MCF2L: variants seen among roughly 807,000 people sequenced by gnomAD.
The protein encoded by MCF2L is MCF.2 cell line derived transforming sequence like.
In MCF2L, 97 loss-of-function variants were observed where a neutral mutation model predicts 153.4. The ratio of observed to expected loss-of-function variants is 0.63; its 90% CI spans 0.54 to 0.75. The LOEUF is 0.75. Among genes scored for constraint, MCF2L ranks in the 30% least tolerant of loss-of-function variants. The pLI, the probability that MCF2L is intolerant of heterozygous loss-of-function variation, is 0.00. For synonymous variants in MCF2L, 659 were observed against 632.2 expected, an observed-to-expected ratio of 1.04 and a Z score of -0.64; for missense variants, 1,347 against 1,495.2, an observed-to-expected ratio of 0.90 and a Z score of 1.64.
intron 3 of MCF2L, chr13:113,026,955 T>G: frequency 1.3e-6 from 1 of 778,000 alleles, no homozygotes; most frequent in East Asian, 2.4e-5. Flanking sequence ...GATGTGCTCG[T>G]CCCAGCCTCC....
chr13:113,020,924 A>AGC (rs2141250892), intron 2 of MCF2L, among the ~76,000 whole-genome samples: 1 of 151,484 alleles, frequency 6.6e-6, no homozygotes, highest in South Asian at 2.1e-4. Flanking sequence ...GTGTATGTGT[A>AGC]GTGTGTATGC....
intron 2 of MCF2L, among the ~76,000 whole-genome samples, chr13:112,954,732 C>A (rs1001855001): frequency 1.3e-5 from 2 of 152,216 alleles, no homozygotes; most frequent in Non-Finnish European, 2.9e-5. Flanking sequence ...GTGCTTTTTG[C>A]ACTCTTTATG....
At chr13:112,930,320 C>A (rs1458570158) in intron 2 of MCF2L, among the ~76,000 whole-genome samples, 1 of 152,114 alleles carries the variant, frequency 6.6e-6, no homozygotes, top group Non-Finnish European at 1.5e-5. Flanking sequence ...GATGAATAAA[C>A]AAACTGTGGT....
chr13:112,903,425 C>G (rs375324458), intron 2 of MCF2L, among the ~76,000 whole-genome samples: 1 of 152,194 alleles, frequency 6.6e-6, no homozygotes, highest in African/African-American at 2.4e-5. Flanking sequence ...CCTCCTGTTT[C>G]GTGTCTTCAG....
chr13:112,969,513 T>C lies in MCF2L; in HGVS notation c.79+55T>C, dbSNP rs2081970002. ...TGTGCTTAAGCTTGACATCATGGGC[T>C]GAAATGTGGGGAAATGCGTCTGATT... is the stretch of plus-strand genomic sequence containing the variant. On this transcript the variant is annotated intron_variant, in intron 1 of 29. Transcript: ENST00000535094. The surrounding 1 kb of genome is among the most constrained non-coding windows in gnomAD (Gnocchi z 4.8). 1.3e-6 allele frequency: 2 copies of C among 1,547,232 alleles called. No individual in the cohort carries two copies. The highest frequency in any genetic ancestry group is 8.7e-7 in the Non-Finnish European group (1 of 1,144,704).
chr13:113,078,512 C>G, intron 14 of MCF2L, 76 bp downstream of exon 14: 2 of 1,419,880 alleles, frequency 1.4e-6, no homozygotes, highest in Admixed American at 3.7e-5. Flanking sequence ...CTCCGTGTGG[C>G]CCCCCCTCCC....
rs1441634811 is a variant in MCF2L at position 113,074,427 on chromosome 13, G to A, written c.997-17G>A. Reference sequence around the variant, plus strand: ...TGAGGGAGACACCCCCCTGAGATGGGCCCTCCTCTGTTCCAGGTCAAAGCC... The same window carrying A: ...TGAGGGAGACACCCCCCTGAGATGGACCCTCCTCTGTTCCAGGTCAAAGCC... On this transcript the variant is annotated splice_polypyrimidine_tract_variant and intron_variant, in intron 9 of 29. Coordinates refer to ENST00000535094, the MANE Select transcript of MCF2L (RefSeq NM_001112732.3). The surrounding 1 kb of genome is among the most constrained non-coding windows in gnomAD (Gnocchi z 4.2). The A allele has an allele frequency of 1.9e-6, 3 of 1,608,554 alleles. No homozygotes were observed. The highest frequency in any genetic ancestry group is 1.7e-6 in the Non-Finnish European group (2 of 1,175,478).
Position 113,031,038 on chromosome 13 carries a change from G to C in MCF2L, c.278+6280G>C, listed in dbSNP as rs554185871. Among the ~76,000 whole-genome samples, 2,402 of 71,272 alleles carry C rather than the reference G, an allele frequency of 0.034. 32 individuals are homozygous for C. The highest frequency in any genetic ancestry group is 0.086 in the Middle Eastern group (17 of 198). The allele number at this position is 71,272 out of a possible 152,430, so 46.8% of individuals were successfully genotyped here. ...TGTGAGAAAGAAAGAGAGACAGAGA[G>C]ACAGAGACAGACAGATACAGACAGA... On this transcript the variant is annotated intron_variant, in intron 3 of 29. Transcript: ENST00000535094. The surrounding 1 kb of genome is among the most constrained non-coding windows in gnomAD (Gnocchi z 5.5).
In MCF2L at chr13:112,907,247, A is replaced by G. The variant is rs369212501; in HGVS notation, c.169+4876A>G. ...GAAGTGATGGGGCTGCAGCATTCAG[A>G]TATGAGTCTCACAGAGGGGTTTGCA... is the stretch of plus-strand genomic sequence containing the variant. On this transcript the variant is annotated intron_variant, in intron 2 of 29. Coordinates refer to the MCF2L transcript ENST00000375608. This position sits in a 1 kb window ranked among gnomAD's most constrained non-coding sequence, Gnocchi z 5.1. Among the ~76,000 whole-genome samples, 50 of 152,330 alleles carry G rather than the reference A, an allele frequency of 3.3e-4. 1 individual carries two copies. Among genetic ancestry groups the G allele is most frequent in the African/African-American group, 1.2e-3 (49 of 41,568 alleles).
intron 1 of MCF2L, among the ~76,000 whole-genome samples, chr13:112,987,230 C>T (rs2082683566): frequency 6.6e-6 from 1 of 152,206 alleles, no homozygotes; most frequent in South Asian, 2.1e-4. Flanking sequence ...CAGAAGGCAT[C>T]TCCCTCCACC....
chr13:113,076,240 T>C (rs2033462850), intron 12 of MCF2L, 83 bp downstream of exon 12: 2 of 945,730 alleles, frequency 2.1e-6, no homozygotes, highest in African/African-American at 3.5e-5. Context: ...GAAAGAATCA[T>C]TTAATGAATT....
At chr13:112,924,489 A>G (rs766503480) in intron 2 of MCF2L, among the ~76,000 whole-genome samples, 33 of 152,316 alleles carry the variant, frequency 2.2e-4, no homozygotes, top group Non-Finnish European at 4.6e-4. Flanking sequence ...AATGGGAGAG[A>G]TAATATTTAT....
At chr13:113,006,607 C>A (rs1032330640) in intron 1 of MCF2L, among the ~76,000 whole-genome samples, 2 of 152,226 alleles carry the variant, frequency 1.3e-5, no homozygotes, top group African/African-American at 4.8e-5. Flanking sequence ...CGCTGGCAGG[C>A]AGTGGCTGGG....
chr13:112,971,596 T>A (rs2082040298), intron 1 of MCF2L, among the ~76,000 whole-genome samples: 1 of 152,236 alleles, frequency 6.6e-6, no homozygotes, highest in Non-Finnish European at 1.5e-5. Flanking sequence ...GTGTTTTAAT[T>A]TCAGATTTAT....
intron 3 of MCF2L, among the ~76,000 whole-genome samples, chr13:113,039,250 T>G (rs2086338526): frequency 6.6e-6 from 1 of 152,214 alleles, no homozygotes; most frequent in Non-Finnish European, 1.5e-5. Context: ...ATTGGCTGTC[T>G]GTGTGGGAAA....
At chr13:112,927,232 G>A (rs978051200) in intron 2 of MCF2L, among the ~76,000 whole-genome samples, 1 of 152,326 alleles carries the variant, frequency 6.6e-6, no homozygotes, top group African/African-American at 2.4e-5. Context: ...CCTTTGACCA[G>A]CAATTCCACT....
rs2081570476 is a variant in MCF2L, at chr13:112,941,057, T to C, written c.169+38686T>C. 6.6e-6 allele frequency among the ~76,000 whole-genome samples: 1 copy of C among 152,202 alleles called. No homozygotes were observed. The stretch of plus-strand genomic sequence containing the variant: ...TGTGAAATCCACCTAGCAGCCCCGC[T>C]GCATCTGGCACCACCATAGGGAGCA... On this transcript the variant is annotated intron_variant, in intron 2 of 29. Coordinates refer to the MCF2L transcript ENST00000375608. This position sits in a 1 kb window ranked among gnomAD's most constrained non-coding sequence, Gnocchi z 4.9.
At position 112,969,241 on chromosome 13, in the gene MCF2L, G is replaced by A. The variant is rs1936925922; in HGVS notation, c.-139G>A. The A allele has an allele frequency of 7.4e-7, 1 of 1,358,960 alleles. No homozygotes were observed. 84.2% of individuals were successfully genotyped at this position (1,358,960 alleles called of 1,614,324 possible). ...GGAACCAATCCTGGGCAGGGAGGCG[G>A]CGGCTGGAGGCTGAAAGCGCTGCCG... On this transcript the variant is annotated 5_prime_UTR_variant, in exon 1 of 30. Coordinates refer to ENST00000535094, the MANE Select transcript of MCF2L (RefSeq NM_001112732.3). The surrounding 1 kb of genome is among the most constrained non-coding windows in gnomAD (Gnocchi z 4.8).
At chr13:112,950,979 A>G (rs2140709611) in intron 2 of MCF2L, among the ~76,000 whole-genome samples, 1 of 152,384 alleles carries the variant, frequency 6.6e-6, no homozygotes, top group African/African-American at 2.4e-5. Flanking sequence ...TGCAAACCAC[A>G]TAGCTGATAA....
Sources: gnomAD v4.1 joint callset for allele counts (sites outside exome capture counted in the v4.1 genomes callset) on GRCh38, gnomAD v4.1.1 for gene constraint, Gnocchi (gnomAD v3.1) non-coding constraint, MANE v1.5 for transcripts, NCBI Gene and HGNC (gene_info 2026-07-23, HGNC 2026-07-21) for gene names.